Variants in DPYSL2 observed in about 807,000 individuals in gnomAD.
DPYSL2 encodes dihydropyrimidinase-related protein 2.
DPYSL2 carries 13 observed loss-of-function variants against 69.9 expected under a neutral mutation model. The ratio of observed to expected loss-of-function variants is 0.19; its 90% CI spans 0.12 to 0.30. The LOEUF (loss-of-function observed/expected upper bound fraction) is 0.30. Among genes scored for constraint, DPYSL2 ranks in the 10% least tolerant of loss-of-function variants. The pLI, the probability that DPYSL2 is intolerant of heterozygous loss-of-function variation, is 1.00. For synonymous variants in DPYSL2, 326 were observed against 359.1 expected (o/e 0.91, Z 1.04); for missense variants, 587 against 918.9 (o/e 0.64, Z 4.67).
chr8:26,586,827 C>T lies in DPYSL2; in HGVS notation c.628+2844C>T, dbSNP rs779259510. The stretch of plus-strand genomic sequence containing the variant: ...TGGCCAGAATGCTATGGCATTTGCA[C>T]GGAGGCTGTGTGATGCGATCTGGCT... On this transcript the variant is annotated intron_variant, in intron 3 of 13. Transcript: ENST00000521913. This position sits in a 1 kb window ranked among gnomAD's most constrained non-coding sequence, Gnocchi z 4.7. 1.3e-4 allele frequency among the ~76,000 whole-genome samples: 20 copies of T among 152,272 alleles called. No homozygotes were observed. The highest frequency in any genetic ancestry group is 7.7e-4 in the East Asian group (4 of 5,176).
chr8:26,610,817 C>T lies in DPYSL2; in HGVS notation c.629-13326C>T, dbSNP rs1374976186. Among the ~76,000 whole-genome samples the T allele has an allele frequency of 2.6e-5, 4 of 152,126 alleles. No homozygotes were observed. Among genetic ancestry groups the T allele is most frequent in the African/African-American group, 9.7e-5 (4 of 41,414 alleles). On this transcript the variant is annotated intron_variant, in intron 3 of 13. Coordinates refer to ENST00000521913, the MANE Select transcript of DPYSL2 (RefSeq NM_001197293.3). The surrounding 1 kb of genome is among the most constrained non-coding windows in gnomAD (Gnocchi z 4.5). ...AAGTATGTTTTTACTATTTAACACA[C>T]GATTTTGTAGGCCCTACTGTTGTTA...
In DPYSL2 at chr8:26,643,399, G is replaced by C; in HGVS notation, c.1127-40G>C. 6.5e-7 allele frequency: 1 copy of C among 1,538,734 alleles called. No homozygotes were observed. The highest frequency in any genetic ancestry group is 8.7e-7 in the Non-Finnish European group (1 of 1,144,818). On this transcript the variant is annotated intron_variant, in intron 8 of 13. Coordinates refer to ENST00000521913, the MANE Select transcript of DPYSL2 (RefSeq NM_001197293.3). The surrounding 1 kb of genome is among the most constrained non-coding windows in gnomAD (Gnocchi z 6.5). ...TCATAGGGGTGGTTCCCTTCCCCCT[G>C]CATTGTGTTGGACTGAACCTTGTGT...
chr8:26,594,010 C>T (rs1410927332), intron 3 of DPYSL2, among the ~76,000 whole-genome samples: 2 of 152,300 alleles, frequency 1.3e-5, no homozygotes, highest in East Asian at 1.9e-4. Context: ...CAGCTGGGCA[C>T]GGTTTATTGG....
At chr8:26,545,787 G>C (rs1800757933) in intron 1 of DPYSL2, among the ~76,000 whole-genome samples, 1 of 151,838 alleles carries the variant, frequency 6.6e-6, no homozygotes, top group African/African-American at 2.4e-5. Context: ...AATAATCTCA[G>C]CATTGAATTT....
intron 3 of DPYSL2, among the ~76,000 whole-genome samples, chr8:26,600,021 C>T (rs1161723227): frequency 6.6e-6 from 1 of 152,198 alleles, no homozygotes; most frequent in African/African-American, 2.4e-5. Flanking sequence ...AATATGTGGC[C>T]TTTTATAGCT....
intron 1 of DPYSL2, among the ~76,000 whole-genome samples, chr8:26,556,354 A>ATATATATAGTATATATATATATAG (rs796496998): frequency 7.1e-5 from 1 of 14,072 alleles, no homozygotes; most frequent in African/African-American, 2.8e-4. Flanking sequence ...TATATATAGT[A>ATATATATAGTATATATATATATAG]TATATATATA....
At chr8:26,545,924 G>C (rs1042526426) in intron 1 of DPYSL2, among the ~76,000 whole-genome samples, 3 of 152,200 alleles carry the variant, frequency 2.0e-5, no homozygotes, top group Non-Finnish European at 4.4e-5. Context: ...AAGTCAGGAA[G>C]TATCTGACTT....
rs1803408750 is a variant in DPYSL2 at position 26,657,032 on chromosome 8, A to G, written c.*1326A>G. The G allele has an allele frequency of 6.6e-6, 1 of 152,198 alleles. No individual in the cohort carries two copies. The highest frequency in any genetic ancestry group is 2.4e-5 in the African/African-American group (1 of 41,436). The allele number at this position is 152,198 out of a possible 1,614,324, so 9.4% of individuals were successfully genotyped here. A position where few individuals can be genotyped will look rare whatever the true frequency, so the allele number is the denominator to read the frequency against. ...AGTATCTTTTGAGATTCTAGAACAC[A>G]TGGGAGCTTTTTATTTTCGGGGAAA... On this transcript the variant is annotated 3_prime_UTR_variant, in exon 14 of 14. Transcript: ENST00000521913.
chr8:26,581,803 A>G (rs777325192), intron 1 of DPYSL2, among the ~76,000 whole-genome samples, 166 bp from the exon 2 acceptor site: 79 of 152,140 alleles, frequency 5.2e-4, no homozygotes, highest in Non-Finnish European at 1.0e-3. Flanking sequence ...CAGGTGATGA[A>G]TAGGTTGCCA....
chr8:26,556,176 G>A (rs368764693), intron 1 of DPYSL2, among the ~76,000 whole-genome samples: 650 of 3,340 alleles, frequency 0.19, 173 homozygotes, highest in East Asian at 0.58. Flanking sequence ...ACTATATATA[G>A]TATATACTAT....
In DPYSL2 at chr8:26,560,953, G is replaced by A. The variant is rs930434223; in HGVS notation, c.355-21016G>A. ...AAATTGAGCTAGGGGAAGGGAAGTTGTAAGAGAGCAGCTGTCCACAGTTAT... is the reference window on the plus strand; with the variant it reads ...AAATTGAGCTAGGGGAAGGGAAGTTATAAGAGAGCAGCTGTCCACAGTTAT... On this transcript the variant is annotated intron_variant, in intron 1 of 13. Coordinates refer to ENST00000521913, the MANE Select transcript of DPYSL2 (RefSeq NM_001197293.3). This position sits in a 1 kb window ranked among gnomAD's most constrained non-coding sequence, Gnocchi z 4.4. Among the ~76,000 whole-genome samples the A allele has an allele frequency of 6.6e-6, 1 of 152,158 alleles. No individual in the cohort carries two copies. Among genetic ancestry groups the A allele is most frequent in the Admixed American group, 6.5e-5 (1 of 15,284 alleles).
chr8:26,613,820 C>T (rs1371218681), intron 3 of DPYSL2, among the ~76,000 whole-genome samples: 2 of 152,090 alleles, frequency 1.3e-5, no homozygotes, highest in Non-Finnish European at 2.9e-5. Context: ...GTGGGACAGA[C>T]CTCCCAAGTG....
rs1261164777 is a variant in DPYSL2, at chr8:26,569,365, C to CA, written c.355-12599dup. 2.6e-4 allele frequency among the ~76,000 whole-genome samples: 23 copies of CA among 88,796 alleles called. 1 individual carries two copies. The highest frequency in any genetic ancestry group is 4.3e-4 in the Non-Finnish European group (21 of 48,956). 58.3% of individuals were successfully genotyped at this position (88,796 alleles called of 152,430 possible). ...CAAGACCCTATCTCCAAAAAAAAAA[C>CA]AAAAACAAAAACAAAAAAAAACCAA... On this transcript the variant is annotated intron_variant, in intron 1 of 13. Coordinates refer to ENST00000521913, the MANE Select transcript of DPYSL2 (RefSeq NM_001197293.3).
At position 26,644,492 on chromosome 8, in the gene DPYSL2, T is replaced by C. The variant is rs964800388; in HGVS notation, c.1425+401T>C. On this transcript the variant is annotated intron_variant, in intron 10 of 13. Transcript: ENST00000521913. The surrounding 1 kb of genome is among the most constrained non-coding windows in gnomAD (Gnocchi z 4.5). ...TGGCTAATTTTTTTTTTATTTTTTG[T>C]GGAGATGGGGGTCTCACTATGTTGC... is the stretch of plus-strand genomic sequence containing the variant. Among the ~76,000 whole-genome samples the C allele has an allele frequency of 1.3e-5, 2 of 151,958 alleles. No homozygotes were observed. The highest frequency in any genetic ancestry group is 6.8e-3 in the Middle Eastern group (2 of 294).
chr8:26,544,082 T>G (rs949130418), intron 1 of DPYSL2, among the ~76,000 whole-genome samples: 4 of 97,626 alleles, frequency 4.1e-5, no homozygotes, highest in Non-Finnish European at 8.4e-5. Context: ...TTTCTATGAA[T>G]TTTAACACAA....
chr8:26,580,098 C>CT lies in DPYSL2; in HGVS notation c.355-1864dup, dbSNP rs1801457745. 6.6e-6 allele frequency among the ~76,000 whole-genome samples: 1 copy of CT among 151,954 alleles called. No individual in the cohort carries two copies. The highest frequency in any genetic ancestry group is 6.6e-5 in the Admixed American group (1 of 15,260). Reference sequence around the variant, plus strand: ...GAGTGAACGGGGGTGTGGTGTTTCACTTTTTTTCATGGCATCATGTTGGCT... The same window carrying CT: ...GAGTGAACGGGGGTGTGGTGTTTCACTTTTTTTTCATGGCATCATGTTGGCT... On this transcript the variant is annotated intron_variant, in intron 1 of 13. Coordinates refer to ENST00000521913, the MANE Select transcript of DPYSL2 (RefSeq NM_001197293.3). This position sits in a 1 kb window ranked among gnomAD's most constrained non-coding sequence, Gnocchi z 4.1.
chr8:26,549,200 T>TTAATAATAATAA (rs57336957), intron 1 of DPYSL2, among the ~76,000 whole-genome samples: 3,914 of 146,384 alleles, frequency 0.027, 66 homozygotes, highest in Non-Finnish European at 0.036. Flanking sequence ...AAAAATTAAG[T>TTAATAATAATAA]TAATAATAAT....
rs754950124 is a variant in DPYSL2, at chr8:26,582,008, G to A, written c.394G>A (p.Asp132Asn). The A allele has an allele frequency of 6.2e-7, 1 of 1,614,002 alleles. No homozygotes were observed. Among genetic ancestry groups the A allele is most frequent in the South Asian group, 1.1e-5 (1 of 91,084 alleles). Residue 132 changes from aspartate to asparagine, a missense_variant, in exon 2 of 14, where the codon GAT becomes AAT. Coordinates refer to ENST00000521913, the MANE Select transcript of DPYSL2 (RefSeq NM_001197293.3). The surrounding 1 kb of genome is among the most constrained non-coding windows in gnomAD (Gnocchi z 4.1). Reference sequence around the variant, plus strand: ...GATCAAAGGAGGTAAAATTGTTAATGATGACCAGTCGTTCTATGCAGACAT... The same window carrying A: ...GATCAAAGGAGGTAAAATTGTTAATAATGACCAGTCGTTCTATGCAGACAT... ...LLIKGGKIVN[D>N]DQSFYADIYM...
At chr8:26,630,814 A>G (rs542723555) in intron 7 of DPYSL2, among the ~76,000 whole-genome samples, 1 of 152,130 alleles carries the variant, frequency 6.6e-6, no homozygotes, top group African/African-American at 2.4e-5. Context: ...CCTGCCTGCT[A>G]CCCCAACCCC....
Sources: allele counts gnomAD v4.1 joint callset (sites outside exome capture counted in the v4.1 genomes callset), GRCh38; gene constraint gnomAD v4.1.1; non-coding constraint Gnocchi (gnomAD v3.1); transcripts MANE v1.5; gene names NCBI Gene and HGNC (gene_info 2026-07-23, HGNC 2026-07-21).